The following MYCBP2 variants were observed in gnomAD, a reference collection of about 807,000 sequenced individuals.
MYCBP2 encodes the protein MYC binding protein 2.
In MYCBP2, 120 loss-of-function variants were observed where a neutral mutation model predicts 525.3. That is an observed-to-expected ratio of 0.23 (90% CI 0.20 to 0.27). MYCBP2 has a LOEUF of 0.27. MYCBP2 is among the 10% of genes least tolerant of loss of function. MYCBP2 has a pLI of 1.00. For missense variants in MYCBP2, 4,149 were observed against 5,657.1 expected (o/e 0.73, Z 8.55); for synonymous variants, 1,894 against 1,955.8 (o/e 0.97, Z 0.83).
At chr13:77,059,423 G>A in intron 77 of MYCBP2, 100 bp downstream of exon 77, 1 of 866,734 alleles carries the variant, frequency 1.2e-6, no homozygotes, top group Non-Finnish European at 1.9e-6. Context: ...ACTCATTTAG[G>A]AAGCTGGAGT....
chr13:77,153,393 T>G (rs889332396), intron 46 of MYCBP2, among the ~76,000 whole-genome samples: 6 of 152,306 alleles, frequency 3.9e-5, no homozygotes, highest in African/African-American at 1.4e-4. Context: ...GTCAAGTAAA[T>G]GAGCCACACG....
chr13:77,257,439 C>G (rs2072440546), intron 14 of MYCBP2, among the ~76,000 whole-genome samples: 1 of 151,880 alleles, frequency 6.6e-6, no homozygotes, highest in South Asian at 2.1e-4. Context: ...GATGGAGACC[C>G]CATTTACCCT....
intron 4 of MYCBP2, among the ~76,000 whole-genome samples, chr13:77,275,724 C>T (rs1003168050): frequency 1.3e-5 from 2 of 152,138 alleles, no homozygotes; most frequent in Non-Finnish European, 2.9e-5. Flanking sequence ...TGGCTCATGC[C>T]TGTAATCCTA....
chr13:77,139,949 A>G (rs1395054960), intron 51 of MYCBP2, 98 bp downstream of exon 51: 4 of 706,128 alleles, frequency 5.7e-6, no homozygotes, highest in African/African-American at 5.4e-5. Context: ...ACTGCTTAAA[A>G]CATATTCTGA....
chr13:77,251,206 T>G lies in MYCBP2; in HGVS notation c.2326A>C (p.Thr776Pro). ...CTGACACAGCTGGCTCCATAACCTGTACAGTCTCCACAGACAGTGCAAACC... is the reference window on the plus strand; with the variant it reads ...CTGACACAGCTGGCTCCATAACCTGGACAGTCTCCACAGACAGTGCAAACC... The part of the protein sequence containing the change: ...CMVCTVCGDC[T>P]GYGASCVSSG... Residue 776 changes from threonine to proline, a missense_variant, in exon 15 of 83, where the codon ACA (threonine) becomes CCA (proline). By Grantham distance (38) the Thr-to-Pro change is conservative. Coordinates refer to ENST00000544440, the MANE Select transcript of MYCBP2 (RefSeq NM_015057.5). 1 of 1,614,202 alleles carries G rather than the reference T, an allele frequency of 6.2e-7. No individual in the cohort carries two copies. Among genetic ancestry groups the G allele is most frequent in the Non-Finnish European group, 8.5e-7 (1 of 1,180,036 alleles).
intron 30 of MYCBP2, among the ~76,000 whole-genome samples, chr13:77,188,057 C>T (rs1187367181): frequency 3.1e-5 from 4 of 129,410 alleles, no homozygotes; most frequent in Admixed American, 9.3e-5. Context: ...GGCGACAGAG[C>T]GAGACTCTGC....
chr13:77,052,811 A>G (rs2037101759), intron 80 of MYCBP2, among the ~76,000 whole-genome samples: 1 of 152,172 alleles, frequency 6.6e-6, no homozygotes, highest in African/African-American at 2.4e-5. Context: ...AATTTTAAGC[A>G]TCCTCTGATC....
chr13:77,168,776 C>A, intron 39 of MYCBP2, 130 bp from the exon 40 acceptor site: 1 of 732,420 alleles, frequency 1.4e-6, no homozygotes, highest in South Asian at 1.9e-5. Context: ...AAGTTTTTGT[C>A]CAAAGAGAAA....
At chr13:77,209,683 C>G (rs377042669) in intron 23 of MYCBP2, among the ~76,000 whole-genome samples, 40 of 152,122 alleles carry the variant, frequency 2.6e-4, no homozygotes, top group African/African-American at 8.2e-4. Context: ...TTTCATCTAC[C>G]CTGCACAATG....
chr13:77,224,827 C>CT (rs1217648490), intron 19 of MYCBP2, among the ~76,000 whole-genome samples: 3 of 152,038 alleles, frequency 2.0e-5, no homozygotes, highest in Non-Finnish European at 4.4e-5. Flanking sequence ...GTAAAATCTT[C>CT]TTAATAATGA....
chr13:77,182,769 C>A (rs1033846607), intron 32 of MYCBP2, among the ~76,000 whole-genome samples: 2 of 152,026 alleles, frequency 1.3e-5, no homozygotes, highest in Non-Finnish European at 1.5e-5. Flanking sequence ...CGAAGGAGGG[C>A]GGGGAGGCCT....
chr13:77,282,395 A>G (rs2076285217), intron 3 of MYCBP2, among the ~76,000 whole-genome samples: 1 of 150,368 alleles, frequency 6.7e-6, no homozygotes, highest in African/African-American at 2.4e-5. Flanking sequence ...GGGCAAGCAG[A>G]GTGAAACTCC....
chr13:77,211,877 C>A, intron 22 of MYCBP2, 79 bp downstream of exon 22: 1 of 1,159,480 alleles, frequency 8.6e-7, no homozygotes, highest in South Asian at 1.4e-5. Context: ...AAGTACATTT[C>A]ATTAAAGGGA....
At chr13:77,299,921 C>A (rs1424910119) in intron 1 of MYCBP2, among the ~76,000 whole-genome samples, 1 of 152,080 alleles carries the variant, frequency 6.6e-6, no homozygotes, top group African/African-American at 2.4e-5. Context: ...TTCTTAAGAG[C>A]TACACTGCTT....
intron 63 of MYCBP2, among the ~76,000 whole-genome samples, chr13:77,082,455 G>T (rs1452211335): frequency 1.3e-5 from 2 of 152,112 alleles, no homozygotes; most frequent in African/African-American, 4.8e-5. Context: ...GGAAGCCCAA[G>T]CATTCCATCA....
At chr13:77,113,737 A>C (rs541811184) in intron 55 of MYCBP2, among the ~76,000 whole-genome samples, 1 of 152,276 alleles carries the variant, frequency 6.6e-6, no homozygotes, top group East Asian at 1.9e-4. Flanking sequence ...ACCTGGGTCA[A>C]AGCTTTTAGG....
At chr13:77,320,812 A>AT (rs1283741317) in intron 1 of MYCBP2, among the ~76,000 whole-genome samples, 1 of 152,178 alleles carries the variant, frequency 6.6e-6, no homozygotes, top group Non-Finnish European at 1.5e-5. Flanking sequence ...ATAAACCCTT[A>AT]AGGTCTAGCT....
chr13:77,199,487 G>C (rs2062193763), intron 26 of MYCBP2, among the ~76,000 whole-genome samples: 2 of 152,238 alleles, frequency 1.3e-5, no homozygotes, highest in Admixed American at 6.5e-5. Context: ...CATTGCCCAG[G>C]CTTGCTTAGG....
chr13:77,247,576 C>T (rs1232177962), intron 15 of MYCBP2, among the ~76,000 whole-genome samples: 5 of 152,082 alleles, frequency 3.3e-5, no homozygotes, highest in Admixed American at 3.3e-4. Context: ...AAAACCTATC[C>T]TAAAATTCAT....
Sources: allele counts gnomAD v4.1 joint callset (sites outside exome capture counted in the v4.1 genomes callset), GRCh38; gene constraint gnomAD v4.1.1; transcripts MANE v1.5; gene names NCBI Gene and HGNC (gene_info 2026-07-23, HGNC 2026-07-21).